The following SLC14A1 variants were observed in gnomAD, a reference collection of about 807,000 sequenced individuals.
SLC14A1 encodes the protein urea transporter 1.
In SLC14A1, 36 loss-of-function variants were observed where a neutral mutation model predicts 39.6. The observed-to-expected ratio is 0.91, with a 90% confidence interval of 0.70 to 1.20. The LOEUF (loss-of-function observed/expected upper bound fraction) is 1.20. Ranked by LOEUF, SLC14A1 falls within the 50% of genes most tolerant of loss-of-function variation. SLC14A1 has a pLI of 0.00. For synonymous variants in SLC14A1, 164 were observed against 173.6 expected (o/e 0.94, Z 0.43); for missense variants, 469 against 478.7 (o/e 0.98, Z 0.19).
chr18:45,742,770 C>T (rs767924059), intron 8 of SLC14A1, among the ~76,000 whole-genome samples: 3 of 148,888 alleles, frequency 2.0e-5, no homozygotes, highest in South Asian at 2.1e-4. Flanking sequence ...CTCTGCCTCC[C>T]GGGTCCCGGT....
At chr18:45,733,992 A>G (rs917489571) in intron 4 of SLC14A1, 2 of 405,016 alleles carry the variant, frequency 4.9e-6, no homozygotes, top group African/African-American at 4.1e-5. Flanking sequence ...ATCATCCCCC[A>G]TTCCCCATCC....
At chr18:45,744,301 T>C (rs1394616667) in intron 8 of SLC14A1, among the ~76,000 whole-genome samples, 1 of 152,178 alleles carries the variant, frequency 6.6e-6, no homozygotes, top group Non-Finnish European at 1.5e-5. Context: ...GGTGGATTAC[T>C]TTTTCAAAGA....
In SLC14A1 at chr18:45,739,592, G is replaced by A. The variant is rs2047297972; in HGVS notation, c.876G>A (p.Leu292=). 6.2e-7 allele frequency: 1 copy of A among 1,614,056 alleles called. No homozygotes were observed. Among genetic ancestry groups the A allele is most frequent in the Non-Finnish European group, 8.5e-7 (1 of 1,180,036 alleles). Residue 292 remains leucine, a synonymous_variant, in exon 8 of 10, where the codon CTG becomes CTA. Coordinates refer to ENST00000321925, the MANE Select transcript of SLC14A1 (RefSeq NM_015865.7). Reference sequence around the variant, plus strand: ...GACTCTGGGGTTTCAACAGCTCTCTGGCCTGCATTGCAATGGGAGGAATGT... The same window carrying A: ...GACTCTGGGGTTTCAACAGCTCTCTAGCCTGCATTGCAATGGGAGGAATGT... ...YFGLWGFNSS[L]ACIAMGGMFM...
At chr18:45,740,451 A>C (rs958950650) in intron 8 of SLC14A1, among the ~76,000 whole-genome samples, 3 of 151,974 alleles carry the variant, frequency 2.0e-5, no homozygotes, top group African/African-American at 7.3e-5. Context: ...TTTTCTAAAA[A>C]ACAGTCTCAT....
At chr18:45,738,641 G>C (rs1391938769) in intron 6 of SLC14A1, among the ~76,000 whole-genome samples, 2 of 152,208 alleles carry the variant, frequency 1.3e-5, no homozygotes, top group African/African-American at 4.8e-5. Flanking sequence ...CTTCTAAATT[G>C]TGGACAAGAT....
intron 8 of SLC14A1, among the ~76,000 whole-genome samples, chr18:45,741,827 T>A (rs2047385427): frequency 6.6e-6 from 1 of 151,346 alleles, no homozygotes; most frequent in Non-Finnish European, 1.5e-5. Context: ...TTCAGCTGGG[T>A]TAGAATGTTT....
At position 45,751,902 on chromosome 18, in the gene SLC14A1, G is replaced by A; in HGVS notation, c.*1951G>A. 1 of 985,288 alleles carries A rather than the reference G, an allele frequency of 1.0e-6. No homozygotes were observed. 61.0% of individuals were successfully genotyped at this position (985,288 alleles called of 1,614,324 possible). A position where few individuals can be genotyped will look rare whatever the true frequency, so the allele number is the denominator to read the frequency against. ...TTGGAAAGTGAAACGTAGGAATCCT[G>A]AAGATTTTTTCCACTTCTAGTTTGC... is the stretch of plus-strand genomic sequence containing the variant. On this transcript the variant is annotated 3_prime_UTR_variant, in exon 10 of 10. Transcript: ENST00000321925.
chr18:45,725,963 G>A (rs940238006), intron 2 of SLC14A1, among the ~76,000 whole-genome samples: 4 of 152,118 alleles, frequency 2.6e-5, no homozygotes, highest in African/African-American at 7.2e-5. Flanking sequence ...AGAAGGAGAC[G>A]CTGTCTACAC....
At chr18:45,730,573 T>G in intron 3 of SLC14A1, 102 bp downstream of exon 3, 1 of 1,275,260 alleles carries the variant, frequency 7.8e-7, no homozygotes, top group Non-Finnish European at 1.1e-6. Context: ...CTCCAACTTT[T>G]TATAGATCTC....
At chr18:45,748,468 A>G in intron 9 of SLC14A1, 43 bp downstream of exon 9, 3 of 1,596,572 alleles carry the variant, frequency 1.9e-6, no homozygotes, top group Non-Finnish European at 2.6e-6. Context: ...GTAATTGACC[A>G]GCTTACAACT....
In SLC14A1 at chr18:45,739,217, T is replaced by A. The variant is rs760579000; in HGVS notation, c.718T>A (p.Trp240Arg). The A allele has an allele frequency of 6.8e-6, 11 of 1,614,156 alleles. No homozygotes were observed. The highest frequency in any genetic ancestry group is 9.3e-6 in the Non-Finnish European group (11 of 1,180,014). The change falls in exon 7 of 10, where the codon TGG becomes AGG. Residue 240 changes from tryptophan to arginine, a missense_variant. Coordinates refer to ENST00000321925, the MANE Select transcript of SLC14A1 (RefSeq NM_015865.7). ...TCAGATCTATGGCTGTGATAATCCA[T>A]GGACAGGGGGCATTTTCCTGGGAGC... ...VGQIYGCDNP[W>R]TGGIFLGAIL...
chr18:45,730,747 TG>T (rs2047005202), intron 3 of SLC14A1, among the ~76,000 whole-genome samples: 1 of 152,214 alleles, frequency 6.6e-6, no homozygotes, highest in African/African-American at 2.4e-5. Flanking sequence ...CTTCAGAATT[TG>T]TACCTATAAG....
At chr18:45,744,236 A>T (rs1211957707) in intron 8 of SLC14A1, among the ~76,000 whole-genome samples, 1 of 152,048 alleles carries the variant, frequency 6.6e-6, no homozygotes, top group African/African-American at 2.4e-5. Flanking sequence ...CTGGTCTCAA[A>T]CTCCTGACCT....
chr18:45,731,208 G>A lies in SLC14A1; in HGVS notation c.341+4G>A. ...CCCTCTTGCTCAGCCAGGACAGGTA[G>A]GTGTACCCTTTCAAGCCTTCTCAGC... On this transcript the variant is annotated splice_donor_region_variant and intron_variant, in intron 4 of 9. Transcript: ENST00000321925. 1 of 1,613,134 alleles carries A rather than the reference G, an allele frequency of 6.2e-7. No homozygotes were observed. Among genetic ancestry groups the A allele is most frequent in the Non-Finnish European group, 8.5e-7 (1 of 1,179,844 alleles).
At position 45,730,345 on chromosome 18, in the gene SLC14A1, A is replaced by G; in HGVS notation, c.25A>G (p.Arg9Gly). Residue 9 changes from arginine to glycine, a missense_variant, in exon 3 of 10, where the codon AGA becomes GGA. Arg to Gly is a moderately radical substitution (Grantham distance 125). Coordinates refer to ENST00000321925, the MANE Select transcript of SLC14A1 (RefSeq NM_015865.7). ...CATGGAGGACAGCCCCACTATGGTT[A>G]GAGTGGACAGCCCCACTATGGTTAG... MEDSPTMV[R>G]VDSPTMVRGE... is the part of the protein sequence containing the mutation. The G allele has an allele frequency of 6.2e-7, 1 of 1,613,206 alleles. No homozygotes were observed. The highest frequency in any genetic ancestry group is 8.5e-7 in the Non-Finnish European group (1 of 1,179,940).
Position 45,750,326 on chromosome 18 carries a change from C to T in SLC14A1, c.*375C>T, listed in dbSNP as rs1015623428. On this transcript the variant is annotated 3_prime_UTR_variant, in exon 10 of 10. Coordinates refer to ENST00000321925, the MANE Select transcript of SLC14A1 (RefSeq NM_015865.7). ...ATGTTAACAGTATTAAAAATTAAAC[C>T]CCATAAACCAACTAAGCCTTATGGA... 1 of 1,133,958 alleles carries T rather than the reference C, an allele frequency of 8.8e-7. No homozygotes were observed. The highest frequency in any genetic ancestry group is 1.6e-5 in the African/African-American group (1 of 61,814). 70.2% of individuals were successfully genotyped at this position (1,133,958 alleles called of 1,614,324 possible).
chr18:45,740,110 G>C (rs1054288889), intron 8 of SLC14A1, among the ~76,000 whole-genome samples: 1 of 152,222 alleles, frequency 6.6e-6, no homozygotes, highest in Non-Finnish European at 1.5e-5. Flanking sequence ...TCCTGGCTGT[G>C]AGGATCTGCC....
chr18:45,735,078 A>G (rs2047147774), intron 5 of SLC14A1, among the ~76,000 whole-genome samples: 1 of 152,144 alleles, frequency 6.6e-6, no homozygotes, highest in Admixed American at 6.5e-5. Flanking sequence ...GTAGAAACAC[A>G]CTGATGCACG....
At chr18:45,725,855 T>C (rs1035558724) in intron 2 of SLC14A1, among the ~76,000 whole-genome samples, 1 of 152,168 alleles carries the variant, frequency 6.6e-6, no homozygotes, top group Non-Finnish European at 1.5e-5. Flanking sequence ...CTCAAATTTC[T>C]CTTGGTTCTA....
Sources: allele counts gnomAD v4.1 joint callset (sites outside exome capture counted in the v4.1 genomes callset), GRCh38; gene constraint gnomAD v4.1.1; transcripts MANE v1.5; gene names NCBI Gene and HGNC (gene_info 2026-07-23, HGNC 2026-07-21).